The following ERC2 variants were observed in gnomAD, a reference collection of about 807,000 sequenced individuals.
The protein encoded by ERC2 is ERC protein 2.
In ERC2, 42 loss-of-function variants were observed where a neutral mutation model predicts 114.8. The ratio of observed to expected loss-of-function variants is 0.37; its 90% CI spans 0.29 to 0.47. The LOEUF is 0.47. ERC2 is among the 20% of genes least tolerant of loss of function. The pLI, the probability that ERC2 is intolerant of heterozygous loss-of-function variation, is 0.99. For missense variants in ERC2, 939 were observed against 1,150.7 expected (o/e 0.82, Z 2.66); for synonymous variants, 454 against 425.5 (o/e 1.07, Z -0.82).
At chr3:56,236,228 G>A (rs1249846482) in intron 3 of ERC2, among the ~76,000 whole-genome samples, 1 of 151,996 alleles carries the variant, frequency 6.6e-6, no homozygotes, top group Non-Finnish European at 1.5e-5. Flanking sequence ...ACATAGCTGA[G>A]CAATAGAGGG....
chr3:55,743,610 A>AG (rs1281673488), intron 14 of ERC2, among the ~76,000 whole-genome samples: 1,666 of 151,446 alleles, frequency 0.011, 19 homozygotes, highest in South Asian at 0.049. Context: ...AAAAAAAAAA[A>AG]AAAGAAACAA....
intron 14 of ERC2, among the ~76,000 whole-genome samples, chr3:55,778,475 G>C (rs1190840539): frequency 1.3e-5 from 2 of 152,110 alleles, no homozygotes; most frequent in African/African-American, 4.8e-5. Flanking sequence ...TCTTGGCATG[G>C]GGAGGTCTTT....
chr3:55,975,111 T>A (rs1379495202), intron 12 of ERC2, among the ~76,000 whole-genome samples: 5 of 152,204 alleles, frequency 3.3e-5, no homozygotes, highest in African/African-American at 1.2e-4. Flanking sequence ...GTGGACAAGT[T>A]ACTTAACTTC....
intron 2 of ERC2, among the ~76,000 whole-genome samples, chr3:56,321,714 A>T (rs889464024): frequency 6.6e-6 from 1 of 152,236 alleles, no homozygotes; most frequent in Admixed American, 6.5e-5. Context: ...GGCATTTACA[A>T]GAAATAACTC....
chr3:55,791,601 A>G (rs554522675), intron 14 of ERC2, among the ~76,000 whole-genome samples: 15 of 152,332 alleles, frequency 9.8e-5, no homozygotes, highest in African/African-American at 3.4e-4. Context: ...TAATCTTCAT[A>G]AAACTGCTTT....
At chr3:56,437,083 T>A (rs1440575897) in intron 1 of ERC2, among the ~76,000 whole-genome samples, 1 of 152,256 alleles carries the variant, frequency 6.6e-6, no homozygotes, top group African/African-American at 2.4e-5. Flanking sequence ...GGTTCAGTCA[T>A]GTGACTTTAT....
intron 3 of ERC2, among the ~76,000 whole-genome samples, chr3:56,253,802 G>T (rs2052339868): frequency 1.3e-5 from 2 of 152,166 alleles, no homozygotes; most frequent in South Asian, 4.1e-4. Context: ...CACTTTGAGA[G>T]GCCAAGGCTG....
At chr3:56,286,843 G>C (rs540118507) in intron 3 of ERC2, among the ~76,000 whole-genome samples, 2 of 151,264 alleles carry the variant, frequency 1.3e-5, no homozygotes, top group South Asian at 4.2e-4. Flanking sequence ...TAAAAACGTA[G>C]CAAGTCTTTG....
intron 14 of ERC2, among the ~76,000 whole-genome samples, chr3:55,838,897 T>C (rs2061011835): frequency 6.6e-6 from 1 of 151,822 alleles, no homozygotes; most frequent in Non-Finnish European, 1.5e-5. Flanking sequence ...AAGAAATAGA[T>C]AACCAGAATA....
chr3:56,412,120 G>C (rs2060964595), intron 2 of ERC2, among the ~76,000 whole-genome samples: 1 of 152,216 alleles, frequency 6.6e-6, no homozygotes, highest in African/African-American at 2.4e-5. Flanking sequence ...GGTAGAGGGA[G>C]ATTTGACACA....
intron 4 of ERC2, among the ~76,000 whole-genome samples, chr3:56,159,813 C>G (rs1465808380): frequency 6.6e-6 from 1 of 152,120 alleles, no homozygotes; most frequent in Non-Finnish European, 1.5e-5. Flanking sequence ...CAGCTGCATC[C>G]ATGTTGCTGC....
chr3:56,198,383 A>G (rs1560355123), intron 3 of ERC2, among the ~76,000 whole-genome samples: 1 of 152,168 alleles, frequency 6.6e-6, no homozygotes, highest in Non-Finnish European at 1.5e-5. Context: ...ACATGATCAA[A>G]TGTGCATTTC....
At chr3:55,673,841 G>A (rs918615268) in intron 17 of ERC2, among the ~76,000 whole-genome samples, 4 of 115,438 alleles carry the variant, frequency 3.5e-5, no homozygotes, top group African/African-American at 1.3e-4. Context: ...AGAGTGATTT[G>A]TACAGAAACT....
At chr3:56,381,709 A>C (rs375460964) in intron 2 of ERC2, among the ~76,000 whole-genome samples, 1 of 149,952 alleles carries the variant, frequency 6.7e-6, no homozygotes, top group Admixed American at 6.7e-5. Context: ...AAGGAAAGAG[A>C]GAGAAAGGAA....
At chr3:56,229,637 T>C (rs1214696135) in intron 3 of ERC2, among the ~76,000 whole-genome samples, 1 of 152,270 alleles carries the variant, frequency 6.6e-6, no homozygotes, top group South Asian at 2.1e-4. Context: ...TCCTTGCCAT[T>C]TTTTCCAGAA....
At chr3:55,754,708 G>C (rs1005299083) in intron 14 of ERC2, among the ~76,000 whole-genome samples, 1 of 150,790 alleles carries the variant, frequency 6.6e-6, no homozygotes, top group African/African-American at 2.4e-5. Flanking sequence ...GTTTCTCTTT[G>C]AACTACAAAT....
At chr3:55,891,172 T>C (rs1403269773) in intron 13 of ERC2, among the ~76,000 whole-genome samples, 3 of 152,150 alleles carry the variant, frequency 2.0e-5, no homozygotes, top group Non-Finnish European at 2.9e-5. Context: ...TTTGGCCAAT[T>C]AAAACCACTG....
intron 3 of ERC2, among the ~76,000 whole-genome samples, chr3:56,206,358 G>A (rs941126635): frequency 3.9e-5 from 6 of 152,066 alleles, no homozygotes; most frequent in African/African-American, 1.4e-4. Context: ...CAATGATGAA[G>A]ACACCTTTCC....
intron 2 of ERC2, among the ~76,000 whole-genome samples, chr3:56,307,643 A>G (rs150612719): frequency 8.7e-4 from 132 of 152,332 alleles, no homozygotes; most frequent in Middle Eastern, 3.4e-3. Flanking sequence ...TTAACCAATC[A>G]GGCCACTGAA....
Sources: allele counts gnomAD v4.1 joint callset (sites outside exome capture counted in the v4.1 genomes callset), GRCh38; gene constraint gnomAD v4.1.1; transcripts MANE v1.5; gene names NCBI Gene and HGNC (gene_info 2026-07-23, HGNC 2026-07-21).